Variants in ACBD5 observed in about 807,000 individuals in gnomAD.
ACBD5 encodes the protein acyl-CoA-binding domain-containing protein 5.
A neutral mutation model predicts 71.8 loss-of-function variants in ACBD5; 40 were observed. The ratio of observed to expected loss-of-function variants is 0.56; its 90% CI spans 0.43 to 0.72. The LOEUF (loss-of-function observed/expected upper bound fraction) is 0.72, where lower values mean the gene tolerates loss of function less well. Ranked by LOEUF, ACBD5 falls within the 30% of genes least tolerant of loss-of-function variation. The pLI, the probability that ACBD5 is intolerant of heterozygous loss-of-function variation, is 0.00. For missense variants in ACBD5, 559 were observed against 644.5 expected, an observed-to-expected ratio of 0.87 and a Z score of 1.44; for synonymous variants, 229 against 218.6, an observed-to-expected ratio of 1.05 and a Z score of -0.42.
intron 11 of ACBD5, among the ~76,000 whole-genome samples, 155 bp downstream of exon 11, chr10:27,205,043 C>T (rs540529947): frequency 2.2e-4 from 33 of 152,166 alleles, no homozygotes; most frequent in African/African-American, 6.7e-4. Context: ...AGGAGAATGG[C>T]GTGAACCCAG....
intron 9 of ACBD5, among the ~76,000 whole-genome samples, chr10:27,210,048 T>C (rs976065391): frequency 3.9e-5 from 6 of 152,196 alleles, no homozygotes; most frequent in African/African-American, 1.4e-4. Flanking sequence ...GGATAACAAC[T>C]GGGTCAAGGT....
At chr10:27,204,099 AC>A (rs2060211028) in intron 12 of ACBD5, among the ~76,000 whole-genome samples, 1 of 132,398 alleles carries the variant, frequency 7.6e-6, no homozygotes, top group Admixed American at 9.3e-5. Context: ...GTGAACAGCC[AC>A]TGCCCTCCAG....
intron 2 of ACBD5, among the ~76,000 whole-genome samples, chr10:27,236,663 C>T (rs1308841217): frequency 2.0e-5 from 3 of 151,992 alleles, no homozygotes; most frequent in South Asian, 2.1e-4. Flanking sequence ...CCGAGGCAGG[C>T]GGATCACCGG....
At chr10:27,183,960 C>A (rs752612587) in intron 13 of ACBD5, among the ~76,000 whole-genome samples, 1 of 152,162 alleles carries the variant, frequency 6.6e-6, no homozygotes, top group Non-Finnish European at 1.5e-5. Flanking sequence ...CATCCGCCCA[C>A]CTTGGCCTCC....
intron 12 of ACBD5, among the ~76,000 whole-genome samples, chr10:27,201,749 G>A (rs1331516822): frequency 6.6e-6 from 1 of 152,200 alleles, no homozygotes; most frequent in African/African-American, 2.4e-5. Context: ...GTTGCAGTGA[G>A]CCGAGATCAC....
At chr10:27,219,613 T>TA in intron 6 of ACBD5, 110 bp downstream of exon 6, 1 of 1,458,802 alleles carries the variant, frequency 6.9e-7, no homozygotes. Flanking sequence ...GTCAACAGCT[T>TA]ACATCCCACC....
At chr10:27,204,179 A>G (rs2060226319) in intron 12 of ACBD5, among the ~76,000 whole-genome samples, 1 of 142,420 alleles carries the variant, frequency 7.0e-6, no homozygotes, top group South Asian at 2.3e-4. Flanking sequence ...GCATGTAGTC[A>G]TTTTTGTGTG....
At chr10:27,203,626 C>T (rs2060162201) in intron 12 of ACBD5, among the ~76,000 whole-genome samples, 3 of 152,180 alleles carry the variant, frequency 2.0e-5, no homozygotes, top group Admixed American at 2.0e-4. Context: ...GTAATCCCAG[C>T]TACTTGGGAG....
intron 4 of ACBD5, among the ~76,000 whole-genome samples, chr10:27,224,426 C>A (rs6482609): frequency 6.6e-6 from 1 of 151,846 alleles, no homozygotes; most frequent in African/African-American, 2.4e-5. Context: ...TTTCATTAAA[C>A]GAAATAGAAA....
intron 13 of ACBD5, among the ~76,000 whole-genome samples, chr10:27,188,648 C>T (rs1209231676): frequency 6.6e-6 from 1 of 152,174 alleles, no homozygotes; most frequent in Non-Finnish European, 1.5e-5. Flanking sequence ...TACTAACAGA[C>T]CTAGCATGTG....
rs770242818 is a variant in ACBD5, at chr10:27,197,280, A to G, written c.*150T>C. The G allele has an allele frequency of 5.4e-6, 4 of 742,612 alleles. No individual in the cohort carries two copies. Among genetic ancestry groups the G allele is most frequent in the African/African-American group, 1.7e-5 (1 of 57,482 alleles). 46.0% of individuals were successfully genotyped at this position (742,612 alleles called of 1,614,324 possible). On this transcript the variant is annotated 3_prime_UTR_variant, in exon 13 of 13. Transcript: ENST00000396271. ...TTATCGTTTGTGTAGTGCAAAATATATATGTGTATATATGTACACAAACTA... is the reference window on the plus strand; with the variant it reads ...TTATCGTTTGTGTAGTGCAAAATATGTATGTGTATATATGTACACAAACTA...
intron 12 of ACBD5, among the ~76,000 whole-genome samples, chr10:27,198,353 C>CTTT (rs1348546460): frequency 6.6e-6 from 1 of 152,154 alleles, no homozygotes; most frequent in Non-Finnish European, 1.5e-5. Flanking sequence ...TTGTTAGCAC[C>CTTT]TTACACCATC....
chr10:27,230,067 T>C (rs1283910632), intron 4 of ACBD5, among the ~76,000 whole-genome samples: 1 of 147,882 alleles, frequency 6.8e-6, no homozygotes, highest in African/African-American at 2.5e-5. Context: ...GTTATAGAAG[T>C]ATGTCCTAAA....
chr10:27,197,476 A>C, intron 12 of ACBD5, 34 bp from the exon 13 acceptor site: 2 of 1,532,522 alleles, frequency 1.3e-6, no homozygotes, highest in Non-Finnish European at 1.8e-6. Context: ...ATTTCCTGTG[A>C]GTATGAATGC....
chr10:27,192,393 T>G (rs2059116365), downstream of ACBD5, among the ~76,000 whole-genome samples: 1 of 152,132 alleles, frequency 6.6e-6, no homozygotes, highest in Non-Finnish European at 1.5e-5. Context: ...AGAGAGTAAC[T>G]GACTGCTGGT....
intron 7 of ACBD5, 35 bp from the exon 8 acceptor site, chr10:27,215,676 T>C (rs1268604745): frequency 1.4e-6 from 2 of 1,455,850 alleles, no homozygotes; most frequent in Non-Finnish European, 9.6e-7. Flanking sequence ...AGGGTAATTA[T>C]ACTATAGTAG....
chr10:27,206,154 G>C (rs1231976109), intron 10 of ACBD5, among the ~76,000 whole-genome samples: 2 of 151,918 alleles, frequency 1.3e-5, no homozygotes, highest in South Asian at 2.1e-4. Context: ...CTCCTGCCTT[G>C]ACCTCCCAAA....
At chr10:27,232,351 CAG>C (rs2063989983) in intron 3 of ACBD5, 1 of 129,022 alleles carries the variant, frequency 7.8e-6, no homozygotes, top group East Asian at 2.3e-4. Context: ...TTTTCTGAGA[CAG>C]AGTCTCGCTC....
chr10:27,228,791 T>TATATATA lies in ACBD5; in HGVS notation c.375+2956_375+2957insTATATAT. Reference sequence around the variant, plus strand: ...TCTATAAAACATAATCCTATTATGTTTATATATATATATATATATATATAT... The same window carrying TATATATA: ...TCTATAAAACATAATCCTATTATGTTATATATATATATATATATATATATATATATAT... On this transcript the variant is annotated intron_variant, in intron 4 of 12. Coordinates refer to ENST00000396271, the MANE Select transcript of ACBD5 (RefSeq NM_145698.5). 4.5e-4 allele frequency among the ~76,000 whole-genome samples: 10 copies of TATATATA among 22,132 alleles called. 1 individual carries two copies. The highest frequency in any genetic ancestry group is 3.6e-3 in the Admixed American group (3 of 840). 14.5% of individuals were successfully genotyped at this position (22,132 alleles called of 152,430 possible). A position where few individuals can be genotyped will look rare whatever the true frequency, so the allele number is the denominator to read the frequency against.
Sources: allele counts gnomAD v4.1 joint callset (sites outside exome capture counted in the v4.1 genomes callset), GRCh38; gene constraint gnomAD v4.1.1; transcripts MANE v1.5; gene names NCBI Gene and HGNC (gene_info 2026-07-23, HGNC 2026-07-21).